The following RNF150 variants were observed in gnomAD, a reference collection of about 807,000 sequenced individuals.
RNF150 encodes ring finger protein 150.
RNF150 carries 24 observed loss-of-function variants against 39.3 expected under a neutral mutation model. That is an observed-to-expected ratio of 0.61 (90% CI 0.44 to 0.86). RNF150 has a LOEUF of 0.86. RNF150 is among the 40% of genes least tolerant of loss of function. The pLI, the probability that RNF150 is intolerant of heterozygous loss-of-function variation, is 0.00. For synonymous variants in RNF150, 255 were observed against 227.3 expected (o/e 1.12, Z -1.10); for missense variants, 502 against 587.8 (o/e 0.85, Z 1.51).
intron 1 of RNF150, among the ~76,000 whole-genome samples, chr4:141,123,642 G>A (rs1039897389): frequency 6.6e-6 from 1 of 152,156 alleles, no homozygotes; most frequent in Admixed American, 6.5e-5. Context: ...ATGTTGGTGT[G>A]TTGCACCCAT....
intron 1 of RNF150, among the ~76,000 whole-genome samples, chr4:141,059,113 G>A (rs1023287315): frequency 2.0e-5 from 3 of 152,156 alleles, no homozygotes; most frequent in African/African-American, 7.2e-5. Flanking sequence ...TTGTTCTTCT[G>A]CTCTCTCTAC....
intron 2 of RNF150, among the ~76,000 whole-genome samples, chr4:140,954,094 G>A (rs1732652786): frequency 1.3e-5 from 2 of 152,194 alleles, no homozygotes; most frequent in South Asian, 2.1e-4. Context: ...CACTTCAGGT[G>A]GATTGAGGAA....
intron 1 of RNF150, among the ~76,000 whole-genome samples, chr4:141,042,146 G>T (rs761462718): frequency 2.0e-5 from 3 of 151,984 alleles, no homozygotes; most frequent in Non-Finnish European, 4.4e-5. Flanking sequence ...TTATAATAAA[G>T]TGAGGAAAAA....
chr4:141,198,019 G>C (rs1728230496), intron 1 of RNF150, among the ~76,000 whole-genome samples: 1 of 150,432 alleles, frequency 6.6e-6, no homozygotes, highest in African/African-American at 2.5e-5. Context: ...ATCTTGCAAA[G>C]TATTAGACCA....
chr4:141,001,710 G>A (rs1158072214), intron 1 of RNF150, among the ~76,000 whole-genome samples: 1 of 152,012 alleles, frequency 6.6e-6, no homozygotes, highest in Admixed American at 6.5e-5. Context: ...CAAAGAGTAA[G>A]TATGTTTAAT....
chr4:141,057,419 G>A (rs1737024692), intron 1 of RNF150, among the ~76,000 whole-genome samples: 1 of 151,964 alleles, frequency 6.6e-6, no homozygotes, highest in Non-Finnish European at 1.5e-5. Flanking sequence ...AAAAAATTAA[G>A]TTTTTGGTGT....
At chr4:141,092,760 T>C (rs1482528912) in intron 1 of RNF150, among the ~76,000 whole-genome samples, 2 of 151,832 alleles carry the variant, frequency 1.3e-5, no homozygotes, top group Non-Finnish European at 2.9e-5. Flanking sequence ...TTATCCTTTT[T>C]GAGAAGAATA....
At chr4:140,951,878 G>T (rs1039619290) in intron 2 of RNF150, among the ~76,000 whole-genome samples, 1 of 151,990 alleles carries the variant, frequency 6.6e-6, no homozygotes, top group Non-Finnish European at 1.5e-5. Context: ...TTGCAATTGT[G>T]TTTAACTGGC....
intron 1 of RNF150, among the ~76,000 whole-genome samples, chr4:140,970,271 A>C (rs996912704): frequency 3.9e-5 from 6 of 152,206 alleles, no homozygotes; most frequent in Non-Finnish European, 5.9e-5. Flanking sequence ...GAATTCTTAC[A>C]ATGTGATAAG....
At chr4:140,946,651 G>T (rs1053224622) in intron 4 of RNF150, among the ~76,000 whole-genome samples, 1 of 151,960 alleles carries the variant, frequency 6.6e-6, no homozygotes, top group Admixed American at 6.6e-5. Flanking sequence ...CATGTACTGA[G>T]CACCACCATG....
At chr4:141,032,187 G>T (rs1242087359) in intron 1 of RNF150, among the ~76,000 whole-genome samples, 2 of 151,888 alleles carry the variant, frequency 1.3e-5, no homozygotes, top group African/African-American at 4.8e-5. Context: ...AGGCACAGAA[G>T]GACAAACATT....
intron 5 of RNF150, among the ~76,000 whole-genome samples, chr4:140,914,146 G>C (rs1730723736): frequency 6.6e-6 from 1 of 152,114 alleles, no homozygotes; most frequent in Admixed American, 6.5e-5. Flanking sequence ...CATTTTGTGG[G>C]ATAGTAGGAA....
intron 1 of RNF150, among the ~76,000 whole-genome samples, chr4:141,081,956 T>C (rs887163735): frequency 2.0e-5 from 3 of 152,230 alleles, no homozygotes; most frequent in Non-Finnish European, 4.4e-5. Context: ...CAGAACTTTA[T>C]GGTCACTCTG....
chr4:140,950,111 G>A (rs1732487540), intron 2 of RNF150, among the ~76,000 whole-genome samples: 2 of 152,120 alleles, frequency 1.3e-5, no homozygotes, highest in African/African-American at 4.8e-5. Flanking sequence ...GGATAGGGTG[G>A]TGAGTAAATT....
chr4:140,974,145 C>T (rs1733571450), intron 1 of RNF150, among the ~76,000 whole-genome samples: 1 of 152,164 alleles, frequency 6.6e-6, no homozygotes, highest in Non-Finnish European at 1.5e-5. Context: ...AATTAAGACA[C>T]TGACATATTC....
intron 1 of RNF150, among the ~76,000 whole-genome samples, chr4:140,977,689 T>C (rs1056479805): frequency 6.6e-6 from 1 of 152,178 alleles, no homozygotes; most frequent in African/African-American, 2.4e-5. Context: ...TATACTCCCA[T>C]GTAATTTCTT....
chr4:141,104,052 C>T (rs951844587), intron 1 of RNF150, among the ~76,000 whole-genome samples: 4 of 152,036 alleles, frequency 2.6e-5, no homozygotes, highest in Non-Finnish European at 4.4e-5. Context: ...GTGTTCTAAT[C>T]GGGGATTGTA....
At chr4:141,151,251 G>GT (rs982513677) in intron 1 of RNF150, among the ~76,000 whole-genome samples, 2 of 152,048 alleles carry the variant, frequency 1.3e-5, no homozygotes, top group South Asian at 2.1e-4. Context: ...GCCAAGTTTT[G>GT]TTTTTTATAG....
At position 141,132,245 on chromosome 4, in the gene RNF150, G is replaced by T; in HGVS notation, c.484+80C>A. The T allele has an allele frequency of 2.8e-6, 4 of 1,438,484 alleles. No individual in the cohort carries two copies. The highest frequency in any genetic ancestry group is 3.8e-6 in the Non-Finnish European group (4 of 1,056,828). 89.1% of individuals were successfully genotyped at this position (1,438,484 alleles called of 1,614,324 possible). A position where few individuals can be genotyped will look rare whatever the true frequency, so the allele number is the denominator to read the frequency against. On this transcript the variant is annotated intron_variant, in intron 1 of 6. Transcript: ENST00000515673. The surrounding 1 kb of genome is among the most constrained non-coding windows in gnomAD (Gnocchi z 4.9). ...GCGCCGCACGGACTTCCCAGAAGGA[G>T]CCTGGAGGCAGGCGCTGGATCCCTC...
Sources: allele counts gnomAD v4.1 joint callset (sites outside exome capture counted in the v4.1 genomes callset), GRCh38; gene constraint gnomAD v4.1.1; non-coding constraint Gnocchi (gnomAD v3.1); transcripts MANE v1.5; gene names NCBI Gene and HGNC (gene_info 2026-07-23, HGNC 2026-07-21).